Variants in DNAJB6 observed in about 807,000 individuals in gnomAD.
DNAJB6 encodes DnaJ heat shock protein family (Hsp40) member B6.
DNAJB6 carries 16 observed loss-of-function variants against 42.7 expected under a neutral mutation model. That is an observed-to-expected ratio of 0.37 (90% confidence interval 0.25 to 0.57). The LOEUF is 0.57. DNAJB6 is among the 20% of genes least tolerant of loss of function. DNAJB6 has a pLI of 0.74. For missense variants in DNAJB6, 347 were observed against 416.8 expected (o/e 0.83, Z 1.46); for synonymous variants, 170 against 163.5 (o/e 1.04, Z -0.30).
chr7:157,357,857 G>C (rs1023835632), intron 1 of DNAJB6, among the ~76,000 whole-genome samples: 30 of 152,216 alleles, frequency 2.0e-4, no homozygotes, highest in African/African-American at 7.2e-4. Flanking sequence ...AATCTCTGCT[G>C]CTGGTTTTCC....
chr7:157,340,029 C>G (rs889457875), intron 1 of DNAJB6: 4 of 152,226 alleles, frequency 2.6e-5, no homozygotes, highest in Non-Finnish European at 4.4e-5. Context: ...CGGGACCGCA[C>G]AGACACCTTA....
At position 157,363,257 on chromosome 7, in the gene DNAJB6, A is replaced by G; in HGVS notation, c.162A>G (p.Glu54=). The G allele has an allele frequency of 1.9e-6, 3 of 1,609,322 alleles. No individual in the cohort carries two copies. The highest frequency in any genetic ancestry group is 2.5e-6 in the Non-Finnish European group (3 of 1,177,476). The part of the protein sequence containing the change: ...RKFKQVAEAY[E]VLSDAKKRDI... ...TCAAGCAAGTAGCGGAGGCATATGA[A>G]GTGCTGTCGGATGGTGAGTGACAGC... Residue 54 remains glutamate, a synonymous_variant, in exon 3 of 10, where the codon GAA becomes GAG. Coordinates refer to ENST00000262177, the MANE Select transcript of DNAJB6 (RefSeq NM_058246.4).
At chr7:157,367,319 T>C in intron 4 of DNAJB6, 54 bp from the exon 5 acceptor site, 2 of 1,155,646 alleles carry the variant, frequency 1.7e-6, no homozygotes, top group Non-Finnish European at 2.6e-6. Context: ...AAAGAATTCT[T>C]TGCCTACAAA....
Position 157,341,369 on chromosome 7 carries a change from C to T in DNAJB6, c.-27+4225C>T, listed in dbSNP as rs1376250320. ...TTGAACTCTTGACCTCGTGATCCAC[C>T]CGCCTCGGCCTCCCAAAGTGGTGGG... On this transcript the variant is annotated intron_variant, in intron 1 of 9. Coordinates refer to ENST00000262177, the MANE Select transcript of DNAJB6 (RefSeq NM_058246.4). Among the ~76,000 whole-genome samples the T allele has an allele frequency of 2.0e-5, 3 of 152,108 alleles. No individual in the cohort carries two copies. The East Asian group carries it at 5.8e-4, about 29-fold the overall frequency.
At chr7:157,403,583 C>T (rs1229047811) in intron 8 of DNAJB6, among the ~76,000 whole-genome samples, 1 of 152,198 alleles carries the variant, frequency 6.6e-6, no homozygotes, top group Non-Finnish European at 1.5e-5. Flanking sequence ...GCGATCCTCC[C>T]AGCTCAGCCT....
At chr7:157,407,316 C>A (rs10231208) in intron 8 of DNAJB6, among the ~76,000 whole-genome samples, 279 of 152,278 alleles carry the variant, frequency 1.8e-3, no homozygotes, top group Admixed American at 4.5e-3. Context: ...GCTCTTCTGG[C>A]GGCAGTGACA....
intron 8 of DNAJB6, among the ~76,000 whole-genome samples, chr7:157,404,352 G>A (rs565619522): frequency 3.3e-5 from 5 of 151,528 alleles, no homozygotes; most frequent in South Asian, 2.1e-4. Flanking sequence ...GTGCAGTGGT[G>A]CGATCACAGC....
intron 6 of DNAJB6, among the ~76,000 whole-genome samples, chr7:157,384,628 G>A (rs988575855): frequency 3.3e-5 from 5 of 152,206 alleles, no homozygotes; most frequent in Non-Finnish European, 7.3e-5. Flanking sequence ...TGAGGAGAGG[G>A]GGAGGGGAGA....
intron 8 of DNAJB6, among the ~76,000 whole-genome samples, chr7:157,394,767 A>G (rs1440205324): frequency 2.6e-5 from 4 of 151,994 alleles, no homozygotes; most frequent in Admixed American, 2.6e-4. Context: ...TCACAAGAGC[A>G]GATTTTGTCC....
chr7:157,367,264 ATTTTTGTT>A, intron 4 of DNAJB6, 101 bp from the exon 5 acceptor site: 1 of 735,208 alleles, frequency 1.4e-6, no homozygotes, highest in Non-Finnish European at 2.4e-6. Context: ...TTTATGAAAT[ATTTTTGTT>A]TTTATTAGTT....
intron 5 of DNAJB6, among the ~76,000 whole-genome samples, chr7:157,367,689 C>T (rs1345565961): frequency 6.6e-6 from 1 of 152,082 alleles, no homozygotes; most frequent in Non-Finnish European, 1.5e-5. Flanking sequence ...GGAGAAGCCA[C>T]GTCTCTATTA....
At chr7:157,398,557 G>A (rs577643305) in intron 8 of DNAJB6, among the ~76,000 whole-genome samples, 5 of 152,340 alleles carry the variant, frequency 3.3e-5, no homozygotes, top group African/African-American at 7.2e-5. Flanking sequence ...GGCCATGCCC[G>A]CGCGGCAGCT....
intron 1 of DNAJB6, among the ~76,000 whole-genome samples, chr7:157,340,998 G>GTACGCGCGCGCGCGCGCT (rs67210462): frequency 1.5e-5 from 2 of 135,046 alleles, no homozygotes; most frequent in Admixed American, 7.1e-5. Context: ...GTGTGTGTGT[G>GTACGCGCGCGCGCGCGCT]CGCGCGCGCA....
Position 157,358,608 on chromosome 7 carries a change from A to G in DNAJB6, c.36A>G (p.Arg12=). The G allele has an allele frequency of 6.2e-7, 1 of 1,613,904 alleles. No homozygotes were observed. Among genetic ancestry groups the G allele is most frequent in the Non-Finnish European group, 8.5e-7 (1 of 1,179,762 alleles). The change falls in exon 2 of 10, where the codon AGA becomes AGG. Residue 12 remains arginine, a synonymous_variant. Coordinates refer to ENST00000262177, the MANE Select transcript of DNAJB6 (RefSeq NM_058246.4). ...ACTATGAAGTTCTAGGCGTGCAGAG[A>G]CATGCCTCACCCGAGGATATTAAAA... ...VDYYEVLGVQ[R]HASPEDIKKA... is the part of the protein sequence containing the mutation.
Position 157,394,906 on chromosome 7 carries a change from G to T in DNAJB6, c.691+9295G>T, listed in dbSNP as rs527709545. ...ATTGCTTGAGCCCAGCCTGGGCAAC[G>T]TGGTGAGACTCTGTCTCCACAAAGA... is the stretch of plus-strand genomic sequence containing the variant. On this transcript the variant is annotated intron_variant, in intron 8 of 9. Coordinates refer to ENST00000262177, the MANE Select transcript of DNAJB6 (RefSeq NM_058246.4). Among the ~76,000 whole-genome samples the T allele has an allele frequency of 3.1e-4, 47 of 152,236 alleles. 1 individual carries two copies. Among genetic ancestry groups the T allele is most frequent in the African/African-American group, 1.1e-3 (44 of 41,532 alleles).
At chr7:157,369,131 G>T in intron 5 of DNAJB6, 1 of 373,626 alleles carries the variant, frequency 2.7e-6, no homozygotes, top group South Asian at 2.0e-5. Flanking sequence ...TTCCGATTAG[G>T]GGACCGGGAG....
chr7:157,360,881 C>G (rs563470350), intron 2 of DNAJB6, among the ~76,000 whole-genome samples: 30 of 152,300 alleles, frequency 2.0e-4, no homozygotes, highest in African/African-American at 7.2e-4. Context: ...GCAGGTCCAA[C>G]AGATCTGAAG....
At chr7:157,374,952 GCAT>G (rs1355422086) in intron 5 of DNAJB6, among the ~76,000 whole-genome samples, 1 of 152,186 alleles carries the variant, frequency 6.6e-6, no homozygotes, top group Non-Finnish European at 1.5e-5. Flanking sequence ...TTGGGTTTTC[GCAT>G]CATCTGTTTC....
intron 2 of DNAJB6, among the ~76,000 whole-genome samples, chr7:157,361,021 A>C (rs1255889349): frequency 6.6e-6 from 1 of 152,144 alleles, no homozygotes; most frequent in Admixed American, 6.6e-5. Context: ...ATTCTCATCC[A>C]TTGCCAAGTT....
Sources: gnomAD v4.1 joint callset for allele counts (sites outside exome capture counted in the v4.1 genomes callset) on GRCh38, gnomAD v4.1.1 for gene constraint, MANE v1.5 for transcripts, NCBI Gene and HGNC (gene_info 2026-07-23, HGNC 2026-07-21) for gene names.